Variants in BICC1 observed in about 807,000 individuals in gnomAD.
The protein encoded by BICC1 is protein bicaudal C homolog 1.
A neutral mutation model predicts 111.0 loss-of-function variants in BICC1; 43 were observed. That is an observed-to-expected ratio of 0.39 (90% CI 0.30 to 0.50). The LOEUF (loss-of-function observed/expected upper bound fraction) is 0.50. Ranked by LOEUF, BICC1 falls within the 20% of genes least tolerant of loss-of-function variation. The pLI, the probability that BICC1 is intolerant of heterozygous loss-of-function variation, is 0.88. For synonymous variants in BICC1, 467 were observed against 434.4 expected, an observed-to-expected ratio of 1.07 and a Z score of -0.93; for missense variants, 1,091 against 1,203.2, an observed-to-expected ratio of 0.91 and a Z score of 1.38.
At chr10:58,674,033 T>G (rs923621759) in intron 2 of BICC1, among the ~76,000 whole-genome samples, 2 of 152,238 alleles carry the variant, frequency 1.3e-5, no homozygotes, top group African/African-American at 2.4e-5. Context: ...TGTGTTTGTC[T>G]GAATAATGGT....
At chr10:58,564,366 C>T (rs1238501276) in intron 1 of BICC1, among the ~76,000 whole-genome samples, 1 of 152,150 alleles carries the variant, frequency 6.6e-6, no homozygotes, top group Admixed American at 6.5e-5. Context: ...CTTGGCTTTA[C>T]AGGTGGCAGG....
intron 2 of BICC1, among the ~76,000 whole-genome samples, chr10:58,694,024 C>T (rs960559762): frequency 1.3e-5 from 2 of 151,942 alleles, no homozygotes; most frequent in African/African-American, 2.4e-5. Flanking sequence ...TGTCACAGCC[C>T]CTTCCTTGCT....
intron 1 of BICC1, among the ~76,000 whole-genome samples, chr10:58,541,719 T>C (rs1390035176): frequency 2.0e-5 from 3 of 152,004 alleles, no homozygotes; most frequent in Non-Finnish European, 4.4e-5. Context: ...AAAATTCATA[T>C]GGAATCTCAG....
At chr10:58,683,204 A>G (rs1023875470) in intron 2 of BICC1, among the ~76,000 whole-genome samples, 14 of 151,682 alleles carry the variant, frequency 9.2e-5, no homozygotes, top group Non-Finnish European at 1.8e-4. Flanking sequence ...GATGTGTGGT[A>G]TTATTTCTGA....
chr10:58,818,371 T>C (rs1844160434), intron 19 of BICC1, among the ~76,000 whole-genome samples: 1 of 152,136 alleles, frequency 6.6e-6, no homozygotes, highest in Non-Finnish European at 1.5e-5. Context: ...AGTGCTCTCA[T>C]ATTACTGGGG....
At chr10:58,772,558 G>A (rs554642296) in intron 3 of BICC1, among the ~76,000 whole-genome samples, 6 of 152,238 alleles carry the variant, frequency 3.9e-5, no homozygotes, top group African/African-American at 1.4e-4. Flanking sequence ...TCCTTTGAAG[G>A]TTTCAAAATC....
chr10:58,727,568 CAG>C (rs1841147145), intron 3 of BICC1, among the ~76,000 whole-genome samples: 1 of 150,932 alleles, frequency 6.6e-6, no homozygotes, highest in Non-Finnish European at 1.5e-5. Flanking sequence ...GCCTGGGTAA[CAG>C]AGCAAGATGC....
chr10:58,631,593 C>G (rs1367380507), intron 2 of BICC1, among the ~76,000 whole-genome samples: 1 of 151,806 alleles, frequency 6.6e-6, no homozygotes, highest in East Asian at 1.9e-4. Flanking sequence ...CTGGATTATC[C>G]AGTTATTCAA....
intron 3 of BICC1, among the ~76,000 whole-genome samples, chr10:58,721,804 T>G (rs1840947731): frequency 6.6e-6 from 1 of 152,134 alleles, no homozygotes; most frequent in Non-Finnish European, 1.5e-5. Flanking sequence ...CCAGGTGGTT[T>G]AAGATTCTCA....
intron 1 of BICC1, among the ~76,000 whole-genome samples, chr10:58,548,786 ATGT>A (rs1843208866): frequency 6.6e-6 from 1 of 152,080 alleles, no homozygotes; most frequent in South Asian, 2.1e-4. Context: ...AGAGTTATCT[ATGT>A]TGTTGTGTTT....
At chr10:58,803,296 T>C (rs1843611118) in intron 15 of BICC1, 54 bp downstream of exon 15, 2 of 1,483,832 alleles carry the variant, frequency 1.3e-6, no homozygotes, top group Non-Finnish European at 1.8e-6. Flanking sequence ...TGGGTTCTGG[T>C]ATGGAGAATT....
intron 3 of BICC1, among the ~76,000 whole-genome samples, chr10:58,713,247 T>G (rs1840635130): frequency 6.6e-6 from 1 of 152,198 alleles, no homozygotes; most frequent in Non-Finnish European, 1.5e-5. Flanking sequence ...CTCTGCTTTC[T>G]TGGGCTCCTT....
chr10:58,597,802 A>G (rs1169555503), intron 1 of BICC1, among the ~76,000 whole-genome samples: 1 of 152,118 alleles, frequency 6.6e-6, no homozygotes, highest in East Asian at 1.9e-4. Context: ...CTGCAAGAAG[A>G]AAAATATGGC....
intron 15 of BICC1, among the ~76,000 whole-genome samples, chr10:58,804,237 C>T (rs115887109): frequency 0.017 from 2,548 of 152,058 alleles, 83 homozygotes; most frequent in African/African-American, 0.058. Flanking sequence ...CATTTAAGGC[C>T]GGGCACAGTG....
At chr10:58,770,707 A>G (rs1416175966) in intron 3 of BICC1, among the ~76,000 whole-genome samples, 5 of 152,176 alleles carry the variant, frequency 3.3e-5, no homozygotes, top group Non-Finnish European at 5.9e-5. Context: ...GAGGGGAGGA[A>G]TACAAGGCTG....
intron 20 of BICC1, 60 bp downstream of exon 20, chr10:58,820,528 G>A (rs1378874528): frequency 1.6e-6 from 2 of 1,262,348 alleles, no homozygotes; most frequent in Admixed American, 1.7e-5. Flanking sequence ...AGTGGTCTCA[G>A]CCATTGGGTT....
At chr10:58,657,354 G>A (rs1838691834) in intron 2 of BICC1, among the ~76,000 whole-genome samples, 1 of 152,124 alleles carries the variant, frequency 6.6e-6, no homozygotes, top group African/African-American at 2.4e-5. Flanking sequence ...CTATAGTCAG[G>A]TAAAGGTAAG....
intron 3 of BICC1, among the ~76,000 whole-genome samples, chr10:58,774,653 T>C (rs1204529580): frequency 1.3e-5 from 2 of 152,212 alleles, no homozygotes; most frequent in African/African-American, 2.4e-5. Flanking sequence ...AATTATGATA[T>C]TGTGATCCTT....
intron 1 of BICC1, among the ~76,000 whole-genome samples, chr10:58,601,140 T>TAATATATATATATATATATA (rs1554810885): frequency 0.036 from 3,570 of 99,966 alleles, 461 homozygotes; most frequent in Admixed American, 0.058. Flanking sequence ...ATTTTAAAAC[T>TAATATATATATATATATATA]TATATATATA....
Sources: allele counts gnomAD v4.1 joint callset (sites outside exome capture counted in the v4.1 genomes callset), GRCh38; gene constraint gnomAD v4.1.1; transcripts MANE v1.5; gene names NCBI Gene and HGNC (gene_info 2026-07-23, HGNC 2026-07-21).